PCNX2: variants seen among roughly 807,000 people sequenced by gnomAD.
The protein encoded by PCNX2 is pecanex-like protein 2.
In PCNX2, 168 loss-of-function variants were observed where a neutral mutation model predicts 223.8. The ratio of observed to expected loss-of-function variants is 0.75; its 90% CI spans 0.66 to 0.85. The LOEUF (loss-of-function observed/expected upper bound fraction) is 0.85. Among genes scored for constraint, PCNX2 ranks in the 40% least tolerant of loss-of-function variants. The pLI is 0.00. For synonymous variants in PCNX2, 1,006 were observed against 1,052.6 expected, an observed-to-expected ratio of 0.96 and a Z score of 0.86; for missense variants, 2,507 against 2,675.5, an observed-to-expected ratio of 0.94 and a Z score of 1.39.
intron 19 of PCNX2, among the ~76,000 whole-genome samples, chr1:233,156,146 T>G (rs898282034): frequency 6.6e-6 from 1 of 152,246 alleles, no homozygotes; most frequent in East Asian, 1.9e-4. Flanking sequence ...AGATAATATT[T>G]ACTTTCAATA....
chr1:233,273,381 C>T (rs1412249459), intron 1 of PCNX2, among the ~76,000 whole-genome samples: 2 of 151,914 alleles, frequency 1.3e-5, no homozygotes, highest in Non-Finnish European at 2.9e-5. Context: ...AGAGGCTGGG[C>T]TAGAAGGGAT....
At chr1:233,274,257 T>A (rs1660798760) in intron 1 of PCNX2, among the ~76,000 whole-genome samples, 1 of 152,194 alleles carries the variant, frequency 6.6e-6, no homozygotes, top group Non-Finnish European at 1.5e-5. Flanking sequence ...GTCTTGACAC[T>A]ACTGACATCT....
chr1:233,325,012 G>A, the PCNX2 span, among the ~76,000 whole-genome samples: 15 of 152,298 alleles, frequency 9.8e-5, 1 homozygote, highest in South Asian at 2.7e-3. Flanking sequence ...AGAGATGCAC[G>A]AGGAGATAAA....
chr1:233,208,372 C>T (rs1177726557), intron 13 of PCNX2, 146 bp downstream of exon 13: 1 of 846,524 alleles, frequency 1.2e-6, no homozygotes, highest in South Asian at 2.3e-5. Context: ...GGCTCCCAGA[C>T]AGTCTTCGGT....
At chr1:233,283,027 A>AT (rs1661267769) in intron 1 of PCNX2, among the ~76,000 whole-genome samples, 1 of 151,456 alleles carries the variant, frequency 6.6e-6, no homozygotes, top group East Asian at 1.9e-4. Context: ...ATTCTAAAAA[A>AT]AAAAATAATA....
intron 3 of PCNX2, 142 bp downstream of exon 3, chr1:233,261,903 C>A: frequency 7.6e-7 from 1 of 1,319,826 alleles, no homozygotes; most frequent in South Asian, 1.3e-5. Flanking sequence ...ATTTCCAGAC[C>A]CTGGGATGTG....
chr1:233,130,801 A>T (rs6660670), intron 21 of PCNX2, among the ~76,000 whole-genome samples: 2,146 of 143,450 alleles, frequency 0.015, 50 homozygotes, highest in African/African-American at 0.051. Flanking sequence ...TTTTTTTTTT[A>T]TTCCAGATCT....
At chr1:233,240,835 C>T (rs191432840) in intron 8 of PCNX2, among the ~76,000 whole-genome samples, 101 of 152,282 alleles carry the variant, frequency 6.6e-4, no homozygotes, top group African/African-American at 2.4e-3. Context: ...ACCAGGTTTC[C>T]ACCATCTGAG....
chr1:233,095,858 C>T lies in PCNX2; in HGVS notation c.3843G>A (p.Gly1281=), dbSNP rs771697042. 6.2e-7 allele frequency: 1 copy of T among 1,606,470 alleles called. No homozygotes were observed. The highest frequency in any genetic ancestry group is 8.5e-7 in the Non-Finnish European group (1 of 1,176,222). ...CGAACTGTAACTTGTGAAGCAGGTC[C>T]CCGAGCTGAAAGTAAAAGAAAAAAA... ...FMVSILFSKL[G]DLLHKLQFVL... Residue 1281 remains glycine (G), a synonymous_variant, in exon 22 of 34, where the codon GGG becomes GGA. Transcript: ENST00000258229.
At chr1:233,134,744 T>C in intron 21 of PCNX2, 1 of 514,648 alleles carries the variant, frequency 1.9e-6, no homozygotes, top group Non-Finnish European at 3.4e-6. Context: ...TACAATGAGA[T>C]TGTTAACAGA....
At chr1:233,162,180 G>A (rs1047108927) in intron 17 of PCNX2, among the ~76,000 whole-genome samples, 3 of 152,044 alleles carry the variant, frequency 2.0e-5, no homozygotes, top group African/African-American at 7.3e-5. Context: ...CAGATAGATG[G>A]AGAATGGCCT....
At chr1:233,219,628 A>T (rs1237058835) in intron 10 of PCNX2, among the ~76,000 whole-genome samples, 2 of 151,582 alleles carry the variant, frequency 1.3e-5, no homozygotes, top group African/African-American at 2.4e-5. Flanking sequence ...GTGAACATTT[A>T]AAAAAAAATA....
chr1:233,087,040 C>A (rs1381028913), intron 23 of PCNX2: 1 of 985,330 alleles, frequency 1.0e-6, no homozygotes, highest in Non-Finnish European at 1.2e-6. Flanking sequence ...TAGTGAGGCA[C>A]AGAATCAGGG....
At chr1:232,987,516 G>A (rs1317580626) in intron 32 of PCNX2, among the ~76,000 whole-genome samples, 1 of 152,224 alleles carries the variant, frequency 6.6e-6, no homozygotes, top group East Asian at 1.9e-4. Flanking sequence ...GCATATCCCT[G>A]CAGCTGCTAC....
At chr1:233,274,133 T>C (rs1335687746) in intron 1 of PCNX2, among the ~76,000 whole-genome samples, 1 of 152,214 alleles carries the variant, frequency 6.6e-6, no homozygotes, top group Non-Finnish European at 1.5e-5. Context: ...CCTACTTCAA[T>C]ATAATATTTA....
At chr1:233,308,603 C>T in the PCNX2 span, among the ~76,000 whole-genome samples, 1 of 151,892 alleles carries the variant, frequency 6.6e-6, no homozygotes, top group Non-Finnish European at 1.5e-5. Context: ...TCTTAAGAAA[C>T]ATAAACTTAT....
chr1:233,112,828 A>G, intron 21 of PCNX2: 1 of 1,266,812 alleles, frequency 7.9e-7, no homozygotes. Flanking sequence ...AAATGGGGAG[A>G]AAAAGCTGAC....
intron 21 of PCNX2, chr1:233,112,708 T>TCGGTGGTC: frequency 4.1e-6 from 3 of 736,166 alleles, no homozygotes; most frequent in South Asian, 2.1e-5. Flanking sequence ...TGTGTAGATC[T>TCGGTGGTC]TTGAACAATA....
chr1:233,229,450 T>C (rs550837698), intron 9 of PCNX2, among the ~76,000 whole-genome samples: 1 of 152,292 alleles, frequency 6.6e-6, no homozygotes, highest in South Asian at 2.1e-4. Flanking sequence ...ATGATGAACT[T>C]GTGGTTTATA....
Sources: allele counts gnomAD v4.1 joint callset (sites outside exome capture counted in the v4.1 genomes callset), GRCh38; gene constraint gnomAD v4.1.1; transcripts MANE v1.5; gene names NCBI Gene and HGNC (gene_info 2026-07-23, HGNC 2026-07-21).